The following OSBPL3 variants were observed in gnomAD, a reference collection of about 807,000 sequenced individuals.
OSBPL3 encodes oxysterol-binding protein-related protein 3.
Under a neutral mutation model 120.1 loss-of-function variants are expected in OSBPL3, and 65 were observed. The ratio of observed to expected loss-of-function variants is 0.54; its 90% CI spans 0.44 to 0.67. The LOEUF is 0.67. Ranked by LOEUF, OSBPL3 falls within the 30% of genes least tolerant of loss-of-function variation. OSBPL3 has a pLI of 0.00. For synonymous variants in OSBPL3, 416 were observed against 402.6 expected, an observed-to-expected ratio of 1.03 and a Z score of -0.40; for missense variants, 1,004 against 1,082.1, an observed-to-expected ratio of 0.93 and a Z score of 1.01.
rs144303738 is a variant in OSBPL3, at chr7:24,909,853, C to T, written c.-149-17232G>A. ...TCTCGCCCAGGCTGGAGCGCAGTGGCGTGATCTCAGCTCAGATCTCAGCTC... is the reference window on the plus strand; with the variant it reads ...TCTCGCCCAGGCTGGAGCGCAGTGGTGTGATCTCAGCTCAGATCTCAGCTC... On this transcript the variant is annotated intron_variant, in intron 1 of 22. Transcript: ENST00000313367. Among the ~76,000 whole-genome samples, 413 of 123,070 alleles carry T rather than the reference C, an allele frequency of 3.4e-3. 2 individuals carry two copies. The highest frequency in any genetic ancestry group is 0.026 in the Middle Eastern group (4 of 152). The allele number at this position is 123,070 out of a possible 152,430, so 80.7% of individuals were successfully genotyped here. A position where few individuals can be genotyped will look rare whatever the true frequency, so the allele number is the denominator to read the frequency against.
chr7:24,945,701 T>C (rs1562998460), intron 1 of OSBPL3, among the ~76,000 whole-genome samples: 1 of 152,204 alleles, frequency 6.6e-6, no homozygotes, highest in Admixed American at 6.5e-5. Flanking sequence ...CCTTTGCAAC[T>C]CATTTTATAG....
At chr7:24,976,408 G>A in intron 1 of OSBPL3, among the ~76,000 whole-genome samples, 1 of 152,170 alleles carries the variant, frequency 6.6e-6, no homozygotes, top group Non-Finnish European at 1.5e-5. Context: ...GACAATGTTA[G>A]GACAGAGTGC....
At position 24,918,374 on chromosome 7, in the gene OSBPL3, A is replaced by G. The variant is rs11977896; in HGVS notation, c.-149-25753T>C. 2.8e-3 allele frequency among the ~76,000 whole-genome samples: 432 copies of G among 152,226 alleles called. 4 individuals are homozygous for G. Among genetic ancestry groups the G allele is most frequent in the African/African-American group, 8.9e-3 (371 of 41,540 alleles). Reference sequence around the variant, plus strand: ...GTTTAAACTTTACTACTCACACTCAATCCTTCCTATTTCAGTCTGGAATTA... The same window carrying G: ...GTTTAAACTTTACTACTCACACTCAGTCCTTCCTATTTCAGTCTGGAATTA... On this transcript the variant is annotated intron_variant, in intron 1 of 22. Transcript: ENST00000313367. The surrounding 1 kb of genome is among the most constrained non-coding windows in gnomAD (Gnocchi z 4.3).
Position 24,834,691 on chromosome 7 carries a change from G to C in OSBPL3, c.1541C>G (p.Thr514Arg), listed in dbSNP as rs745834823. Residue 514 changes from threonine (T) to arginine (R), a missense_variant, in exon 15 of 23, where the codon ACG becomes AGG. By Grantham distance (71) the Thr-to-Arg change is moderately conservative. Coordinates refer to ENST00000313367, the MANE Select transcript of OSBPL3 (RefSeq NM_015550.4). This position sits in a 1 kb window ranked among gnomAD's most constrained non-coding sequence, Gnocchi z 5.2. Reference sequence around the variant, plus strand: ...GCTCGGGCAGGGCGCCGGCAGGCACGTTCTTCTCCGGGACTTCGCTTCCCG... The same window carrying C: ...GCTCGGGCAGGGCGCCGGCAGGCACCTTCTTCTCCGGGACTTCGCTTCCCG... Reference protein sequence around the residue: ...SGREAKSRRRTCLPAPCPSSS... With the variant: ...SGREAKSRRRRCLPAPCPSSS... 3 of 1,613,714 alleles carry C rather than the reference G, an allele frequency of 1.9e-6. No individual in the cohort carries two copies. The highest frequency in any genetic ancestry group is 4.5e-5 in the East Asian group (2 of 44,878).
chr7:24,820,309 C>A lies in OSBPL3; in HGVS notation c.1885-71G>T, dbSNP rs1048017939. On this transcript the variant is annotated intron_variant, in intron 16 of 22. Transcript: ENST00000313367. The surrounding 1 kb of genome is among the most constrained non-coding windows in gnomAD (Gnocchi z 4.6). ...GTGTCTCATGAAATCCATTCTTTCT[C>A]CCCTGCACTGAGATGTAACAGCGTG... is the stretch of plus-strand genomic sequence containing the variant. 1.2e-5 allele frequency: 13 copies of A among 1,126,350 alleles called. No homozygotes were observed. Among genetic ancestry groups the A allele is most frequent in the African/African-American group, 1.6e-5 (1 of 64,428 alleles). 69.8% of individuals were successfully genotyped at this position (1,126,350 alleles called of 1,614,324 possible). A position where few individuals can be genotyped will look rare whatever the true frequency, so the allele number is the denominator to read the frequency against.
intron 1 of OSBPL3, among the ~76,000 whole-genome samples, chr7:24,931,811 G>C (rs1225544344): frequency 1.3e-5 from 2 of 152,138 alleles, no homozygotes; most frequent in Non-Finnish European, 2.9e-5. Flanking sequence ...AACAGCATGT[G>C]AAAAAGCATT....
Position 24,831,994 on chromosome 7 carries a change from A to G in OSBPL3, c.1747-1089T>C, listed in dbSNP as rs1201355325. On this transcript the variant is annotated intron_variant, in intron 15 of 22. Transcript: ENST00000313367. This position sits in a 1 kb window ranked among gnomAD's most constrained non-coding sequence, Gnocchi z 4.0. ...AGGCAGGTGGATCTGCTTGAGCCCAAGAGTTCAAGACCAGCCTGGACAACA... is the reference window on the plus strand; with the variant it reads ...AGGCAGGTGGATCTGCTTGAGCCCAGGAGTTCAAGACCAGCCTGGACAACA... Among the ~76,000 whole-genome samples the G allele has an allele frequency of 6.6e-6, 1 of 151,556 alleles. No individual in the cohort carries two copies. The highest frequency in any genetic ancestry group is 1.5e-5 in the Non-Finnish European group (1 of 67,896).
chr7:24,886,379 G>A (rs1804533734), intron 2 of OSBPL3, among the ~76,000 whole-genome samples: 1 of 152,208 alleles, frequency 6.6e-6, no homozygotes, highest in Non-Finnish European at 1.5e-5. Flanking sequence ...CACAGGTATA[G>A]AAGAACATTT....
chr7:24,895,240 C>A (rs538011587), intron 1 of OSBPL3, among the ~76,000 whole-genome samples: 2 of 152,164 alleles, frequency 1.3e-5, no homozygotes, highest in African/African-American at 4.8e-5. Flanking sequence ...CCCATGTATA[C>A]GCTGGTGGTC....
Position 24,798,783 on chromosome 7 carries a change from T to C in OSBPL3, c.*1400A>G, listed in dbSNP as rs141714951. The stretch of plus-strand genomic sequence containing the variant: ...AAAGTGTTTTCTGGAGAAATCTTTT[T>C]ACTACATCATTATACTTGATATTCC... On this transcript the variant is annotated 3_prime_UTR_variant, in exon 23 of 23. Coordinates refer to ENST00000313367, the MANE Select transcript of OSBPL3 (RefSeq NM_015550.4). The surrounding 1 kb of genome is among the most constrained non-coding windows in gnomAD (Gnocchi z 4.6). The C allele has an allele frequency of 6.5e-6, 1 of 152,790 alleles. No individual in the cohort carries two copies. The highest frequency in any genetic ancestry group is 2.4e-5 in the African/African-American group (1 of 41,590). 9.5% of individuals were successfully genotyped at this position (152,790 alleles called of 1,614,324 possible). A position where few individuals can be genotyped will look rare whatever the true frequency, so the allele number is the denominator to read the frequency against.
rs1032314023 is a variant in OSBPL3, at chr7:24,862,406, A to C, written c.871-637T>G. On this transcript the variant is annotated intron_variant, in intron 9 of 22. Coordinates refer to ENST00000313367, the MANE Select transcript of OSBPL3 (RefSeq NM_015550.4). This position sits in a 1 kb window ranked among gnomAD's most constrained non-coding sequence, Gnocchi z 4.4. ...TCCTTCCTCCTGGCAATAATCATCC[A>C]TGTATCCAGGCGGTTAGTAATGGAT... 1.3e-5 allele frequency among the ~76,000 whole-genome samples: 2 copies of C among 152,188 alleles called. No homozygotes were observed. The highest frequency in any genetic ancestry group is 4.1e-4 in the South Asian group (2 of 4,830).
In OSBPL3 at chr7:24,815,479, C is replaced by G. The variant is rs990265998; in HGVS notation, c.2028-276G>C. Among the ~76,000 whole-genome samples, 1 of 152,112 alleles carries G rather than the reference C, an allele frequency of 6.6e-6. No individual in the cohort carries two copies. The highest frequency in any genetic ancestry group is 2.4e-5 in the African/African-American group (1 of 41,434). On this transcript the variant is annotated intron_variant, in intron 18 of 22. Transcript: ENST00000313367. This position sits in a 1 kb window ranked among gnomAD's most constrained non-coding sequence, Gnocchi z 5.1. ...GAAGCTGGTGGTCTCTTGGAACAGC[C>G]CACTCCCTCCTTTGACAGAGGAGGC...
chr7:24,962,419 G>GGGAGGGGAGAGGAGAGA, intron 1 of OSBPL3, among the ~76,000 whole-genome samples: 2 of 98,816 alleles, frequency 2.0e-5, no homozygotes, highest in African/African-American at 7.8e-5. Flanking sequence ...GGGAGGGGAG[G>GGGAGGGGAGAGGAGAGA]GGAGGGGAGA....
rs2128080079 is a variant in OSBPL3, at chr7:24,797,287, T to C, written c.*2896A>G. On this transcript the variant is annotated 3_prime_UTR_variant, in exon 23 of 23. Coordinates refer to ENST00000313367, the MANE Select transcript of OSBPL3 (RefSeq NM_015550.4). The surrounding 1 kb of genome is among the most constrained non-coding windows in gnomAD (Gnocchi z 4.8). ...AAGCAGAATATGAGAAAAGCAGCAGTGTAAATGACGTAAACATTAAAAAAT... is the reference window on the plus strand; with the variant it reads ...AAGCAGAATATGAGAAAAGCAGCAGCGTAAATGACGTAAACATTAAAAAAT... The C allele has an allele frequency of 6.6e-6, 1 of 152,196 alleles. No individual in the cohort carries two copies. The highest frequency in any genetic ancestry group is 3.2e-3 in the Middle Eastern group (1 of 316). 9.4% of individuals were successfully genotyped at this position (152,196 alleles called of 1,614,324 possible). A position where few individuals can be genotyped will look rare whatever the true frequency, so the allele number is the denominator to read the frequency against.
intron 1 of OSBPL3, among the ~76,000 whole-genome samples, chr7:24,957,395 C>T (rs952342046): frequency 1.3e-5 from 2 of 152,152 alleles, no homozygotes; most frequent in African/African-American, 4.8e-5. Flanking sequence ...TGAATTCCAA[C>T]GTTTCCACCT....
At chr7:24,858,824 T>C (rs943079097) in intron 10 of OSBPL3, among the ~76,000 whole-genome samples, 1 of 152,234 alleles carries the variant, frequency 6.6e-6, no homozygotes, top group Non-Finnish European at 1.5e-5. Flanking sequence ...TTTGTCCTGC[T>C]GAGGAGGCAG....
intron 1 of OSBPL3, among the ~76,000 whole-genome samples, chr7:24,960,329 G>A (rs772698369): frequency 1.3e-5 from 2 of 152,154 alleles, no homozygotes; most frequent in Admixed American, 1.3e-4. Context: ...ATAAATGAAT[G>A]AGAAACCTAA....
chr7:24,934,361 G>A (rs952567979), intron 1 of OSBPL3, among the ~76,000 whole-genome samples: 2 of 152,010 alleles, frequency 1.3e-5, no homozygotes, highest in Admixed American at 6.6e-5. Flanking sequence ...AATAATAGCC[G>A]GGAATAGAAC....
intron 10 of OSBPL3, among the ~76,000 whole-genome samples, chr7:24,860,526 T>A (rs1005536785): frequency 6.6e-6 from 1 of 152,244 alleles, no homozygotes; most frequent in Non-Finnish European, 1.5e-5. Flanking sequence ...CCTGCCACCA[T>A]GTAAGACATG....
Sources: allele counts gnomAD v4.1 joint callset (sites outside exome capture counted in the v4.1 genomes callset), GRCh38; gene constraint gnomAD v4.1.1; non-coding constraint Gnocchi (gnomAD v3.1); transcripts MANE v1.5; gene names NCBI Gene and HGNC (gene_info 2026-07-23, HGNC 2026-07-21).